BICC1: variants seen among roughly 807,000 people sequenced by gnomAD.
The protein encoded by BICC1 is protein bicaudal C homolog 1.
A neutral mutation model predicts 111.0 loss-of-function variants in BICC1; 43 were observed. The ratio of observed to expected loss-of-function variants is 0.39; its 90% CI spans 0.30 to 0.50. The LOEUF is 0.50. BICC1 is among the 20% of genes least tolerant of loss of function. The pLI is 0.88. For missense variants in BICC1, 1,091 were observed against 1,203.2 expected (o/e 0.91, Z 1.38); for synonymous variants, 467 against 434.4 (o/e 1.07, Z -0.93).
At chr10:58,691,113 C>G (rs1021878820) in intron 2 of BICC1, among the ~76,000 whole-genome samples, 1 of 152,162 alleles carries the variant, frequency 6.6e-6, no homozygotes, top group Non-Finnish European at 1.5e-5. Context: ...AAAGTTTCCT[C>G]CTGTCCTCTT....
chr10:58,628,704 T>A (rs1334001799), intron 2 of BICC1, among the ~76,000 whole-genome samples: 2 of 152,168 alleles, frequency 1.3e-5, no homozygotes, highest in African/African-American at 4.8e-5. Context: ...GCCATAATAT[T>A]CATAATATTA....
chr10:58,723,773 G>A (rs541976254), intron 3 of BICC1, among the ~76,000 whole-genome samples: 26 of 152,310 alleles, frequency 1.7e-4, no homozygotes, highest in Admixed American at 1.3e-3. Flanking sequence ...TGTAGCCACA[G>A]AAGGAATGAT....
intron 2 of BICC1, among the ~76,000 whole-genome samples, chr10:58,630,968 A>G (rs1588950076): frequency 6.6e-6 from 1 of 152,186 alleles, no homozygotes; most frequent in Non-Finnish European, 1.5e-5. Context: ...TATATTACAT[A>G]TATACTATAA....
At chr10:58,651,942 T>C (rs982656130) in intron 2 of BICC1, among the ~76,000 whole-genome samples, 5 of 152,140 alleles carry the variant, frequency 3.3e-5, no homozygotes, top group Admixed American at 2.6e-4. Flanking sequence ...GTCATGTTAA[T>C]TGCTCAATAG....
rs528204157 is a variant in BICC1 at position 58,783,718 on chromosome 10, C to G, written c.308-1283C>G. Reference sequence around the variant, plus strand: ...GACTTAGCCAGTACTAACTGACTTTCTTAGAAGTCAGTACATTGTAGACAC... The same window carrying G: ...GACTTAGCCAGTACTAACTGACTTTGTTAGAAGTCAGTACATTGTAGACAC... On this transcript the variant is annotated intron_variant, in intron 3 of 20. Transcript: ENST00000373886. Among the ~76,000 whole-genome samples the G allele has an allele frequency of 8.5e-5, 13 of 152,230 alleles. No individual in the cohort carries two copies. In the East Asian group the frequency reaches 2.1e-3, roughly 25 times the overall value.
intron 1 of BICC1, among the ~76,000 whole-genome samples, chr10:58,531,236 A>T (rs1842674255): frequency 6.6e-6 from 1 of 151,842 alleles, no homozygotes; most frequent in Non-Finnish European, 1.5e-5. Flanking sequence ...TGAGAACAAG[A>T]GAGCTCAGCG....
At chr10:58,537,039 C>T (rs1197978320) in intron 1 of BICC1, among the ~76,000 whole-genome samples, 1 of 150,898 alleles carries the variant, frequency 6.6e-6, no homozygotes, top group Non-Finnish European at 1.5e-5. Context: ...AACAGGCTGT[C>T]AGATTGAATC....
intron 1 of BICC1, among the ~76,000 whole-genome samples, chr10:58,616,180 C>T (rs1425672054): frequency 6.6e-6 from 1 of 152,126 alleles, no homozygotes; most frequent in African/African-American, 2.4e-5. Flanking sequence ...AGCTGGAGAC[C>T]CCCACTCTGA....
chr10:58,803,370 T>A (rs1564623456), intron 15 of BICC1, 128 bp downstream of exon 15: 1 of 756,424 alleles, frequency 1.3e-6, no homozygotes, highest in Non-Finnish European at 1.9e-6. Flanking sequence ...CAAAATGAAA[T>A]TTAAATATAT....
Position 58,789,463 on chromosome 10 carries a change from T to C in BICC1, c.795+7T>C, listed in dbSNP as rs755225045. On this transcript the variant is annotated splice_region_variant and intron_variant, in intron 7 of 20. Coordinates refer to ENST00000373886, the MANE Select transcript of BICC1 (RefSeq NM_001080512.3). Reference sequence around the variant, plus strand: ...TAACACTAGTGCTGTGAAGGTAAATTATTCAGATAATTCTGCACATCCTAT... The same window carrying C: ...TAACACTAGTGCTGTGAAGGTAAATCATTCAGATAATTCTGCACATCCTAT... 9.3e-6 allele frequency: 15 copies of C among 1,606,408 alleles called. No individual in the cohort carries two copies. The highest frequency in any genetic ancestry group is 1.3e-5 in the African/African-American group (1 of 74,684).
intron 1 of BICC1, among the ~76,000 whole-genome samples, chr10:58,522,116 T>C (rs1201133187): frequency 6.6e-6 from 1 of 152,054 alleles, no homozygotes; most frequent in Non-Finnish European, 1.5e-5. Flanking sequence ...AGTGGCTTGT[T>C]GTAAGGGACT....
intron 1 of BICC1, among the ~76,000 whole-genome samples, chr10:58,593,338 C>T (rs1295671197): frequency 6.6e-6 from 1 of 152,208 alleles, no homozygotes; most frequent in African/African-American, 2.4e-5. Flanking sequence ...ATGTCCCTGC[C>T]TGACAGTTCT....
chr10:58,560,578 A>T (rs1843577306), intron 1 of BICC1, among the ~76,000 whole-genome samples: 1 of 147,048 alleles, frequency 6.8e-6, no homozygotes, highest in African/African-American at 2.5e-5. Context: ...TGATCTTTAA[A>T]TTTGTTTTTC....
intron 3 of BICC1, among the ~76,000 whole-genome samples, chr10:58,754,025 G>A (rs944282611): frequency 1.3e-5 from 2 of 152,028 alleles, no homozygotes; most frequent in South Asian, 4.1e-4. Flanking sequence ...CAAATTTTGA[G>A]GTATTAGGTG....
At chr10:58,531,935 C>A (rs1409079901) in intron 1 of BICC1, among the ~76,000 whole-genome samples, 1 of 151,562 alleles carries the variant, frequency 6.6e-6, no homozygotes, top group Non-Finnish European at 1.5e-5. Context: ...TTATGGGGCG[C>A]CATCAAGTGA....
At chr10:58,742,355 T>A (rs561218785) in intron 3 of BICC1, among the ~76,000 whole-genome samples, 1 of 152,192 alleles carries the variant, frequency 6.6e-6, no homozygotes, top group East Asian at 1.9e-4. Context: ...CAACTGTCCA[T>A]GTGAATGAAT....
At chr10:58,600,501 C>G (rs1844991667) in intron 1 of BICC1, among the ~76,000 whole-genome samples, 1 of 152,112 alleles carries the variant, frequency 6.6e-6, no homozygotes, top group African/African-American at 2.4e-5. Flanking sequence ...TTTGTACATT[C>G]ATTTTGACTT....
intron 1 of BICC1, among the ~76,000 whole-genome samples, chr10:58,562,049 CTCTT>C (rs1843619417): frequency 6.6e-6 from 1 of 152,020 alleles, no homozygotes; most frequent in South Asian, 2.1e-4. Flanking sequence ...TGAAAATTCT[CTCTT>C]TGTTTTTGAC....
In BICC1 at chr10:58,829,047, A is replaced by C. The variant is rs1844482401; in HGVS notation, c.*156A>C. On this transcript the variant is annotated 3_prime_UTR_variant, in exon 21 of 21. Coordinates refer to ENST00000373886, the MANE Select transcript of BICC1 (RefSeq NM_001080512.3). ...CCTGTACTTTATGGCAAAAAGGAAGAAGAGAGAGAAGATGTTCTTATGATG... is the reference window on the plus strand; with the variant it reads ...CCTGTACTTTATGGCAAAAAGGAAGCAGAGAGAGAAGATGTTCTTATGATG... 1.3e-6 allele frequency: 1 copy of C among 777,640 alleles called. No homozygotes were observed. Among genetic ancestry groups the C allele is most frequent in the African/African-American group, 1.7e-5 (1 of 57,276 alleles). 48.2% of individuals were successfully genotyped at this position (777,640 alleles called of 1,614,324 possible). A position where few individuals can be genotyped will look rare whatever the true frequency, so the allele number is the denominator to read the frequency against.
Sources: allele counts gnomAD v4.1 joint callset (sites outside exome capture counted in the v4.1 genomes callset), GRCh38; gene constraint gnomAD v4.1.1; transcripts MANE v1.5; gene names NCBI Gene and HGNC (gene_info 2026-07-23, HGNC 2026-07-21).